Variants in CNTNAP2 observed in about 807,000 individuals in gnomAD.
The protein encoded by CNTNAP2 is contactin-associated protein-like 2.
In CNTNAP2, 98 loss-of-function variants were observed where a neutral mutation model predicts 155.2. That is an observed-to-expected ratio of 0.63 (90% CI 0.54 to 0.75). The LOEUF (loss-of-function observed/expected upper bound fraction) is 0.75. Among genes scored for constraint, CNTNAP2 ranks in the 30% least tolerant of loss-of-function variants. The pLI, the probability that CNTNAP2 is intolerant of heterozygous loss-of-function variation, is 0.00. For missense variants in CNTNAP2, 1,727 were observed against 1,688.1 expected (o/e 1.02, Z -0.40); for synonymous variants, 651 against 631.2 (o/e 1.03, Z -0.47).
chr7:146,160,676 C>T (rs1289847443), intron 1 of CNTNAP2, among the ~76,000 whole-genome samples: 1 of 152,092 alleles, frequency 6.6e-6, no homozygotes, highest in East Asian at 1.9e-4. Flanking sequence ...CCTGAATAGA[C>T]CAATAACAGG....
intron 1 of CNTNAP2, among the ~76,000 whole-genome samples, chr7:146,334,232 C>T (rs1280695859): frequency 2.0e-5 from 3 of 152,068 alleles, no homozygotes; most frequent in African/African-American, 4.8e-5. Flanking sequence ...GAGATCGAGA[C>T]CATCCTGGCT....
At chr7:148,097,411 T>C (rs1167919912) in intron 15 of CNTNAP2, among the ~76,000 whole-genome samples, 1 of 144,440 alleles carries the variant, frequency 6.9e-6, no homozygotes, top group African/African-American at 2.6e-5. Context: ...TTTGACAAGA[T>C]AAATCAGGGA....
chr7:147,283,816 A>G (rs1243970773), intron 8 of CNTNAP2, among the ~76,000 whole-genome samples: 1 of 151,862 alleles, frequency 6.6e-6, no homozygotes, highest in Admixed American at 6.6e-5. Context: ...AGAAGTGGCT[A>G]TGAATTCCCT....
rs746922194 is a variant in CNTNAP2, at chr7:146,774,306, C to A, written c.133C>A (p.His45Asn). The change falls in exon 2 of 24, where the codon CAT (histidine) becomes AAT (asparagine). Residue 45 changes from histidine to asparagine, a missense_variant. Transcript: ENST00000361727. ...TGAGCCACTTGTCTCTGGACTCCCCCATGTGGCTTTCAGCAGCTCCTCCTC... is the reference window on the plus strand; with the variant it reads ...TGAGCCACTTGTCTCTGGACTCCCCAATGTGGCTTTCAGCAGCTCCTCCTC... ...CDEPLVSGLP[H>N]VAFSSSSSIS... The A allele has an allele frequency of 9.9e-6, 16 of 1,613,982 alleles. No individual in the cohort carries two copies. In the South Asian group the frequency reaches 1.1e-4, roughly 11 times the overall value.
chr7:147,615,385 G>T (rs1045925004), intron 12 of CNTNAP2, among the ~76,000 whole-genome samples: 24 of 149,914 alleles, frequency 1.6e-4, no homozygotes, highest in African/African-American at 4.9e-4. Context: ...GGTGGCTGAG[G>T]CAGGAGGAGT....
intron 3 of CNTNAP2, among the ~76,000 whole-genome samples, chr7:147,039,305 A>G (rs375928596): frequency 2.0e-5 from 3 of 152,060 alleles, no homozygotes; most frequent in South Asian, 2.1e-4. Flanking sequence ...AGATTATTTC[A>G]TCACCCAGGT....
At chr7:146,685,849 T>C (rs1300650418) in intron 1 of CNTNAP2, among the ~76,000 whole-genome samples, 3 of 152,204 alleles carry the variant, frequency 2.0e-5, no homozygotes, top group African/African-American at 7.2e-5. Context: ...AATTGATGTA[T>C]GTGAAAATGA....
intron 1 of CNTNAP2, among the ~76,000 whole-genome samples, chr7:146,329,274 C>T (rs1801143490): frequency 6.6e-6 from 1 of 152,170 alleles, no homozygotes; most frequent in Non-Finnish European, 1.5e-5. Flanking sequence ...GCCAAAATTA[C>T]AACCAGACCA....
chr7:146,830,500 T>C (rs945269852), intron 2 of CNTNAP2, among the ~76,000 whole-genome samples: 37 of 152,284 alleles, frequency 2.4e-4, no homozygotes, highest in African/African-American at 8.9e-4. Flanking sequence ...TAAAAATGCA[T>C]GAAAAACATA....
intron 21 of CNTNAP2, among the ~76,000 whole-genome samples, chr7:148,276,786 A>G (rs1039277430): frequency 1.3e-5 from 2 of 152,276 alleles, no homozygotes; most frequent in Non-Finnish European, 2.9e-5. Context: ...AAAATGCATA[A>G]CAGGAAGTGA....
intron 1 of CNTNAP2, among the ~76,000 whole-genome samples, chr7:146,530,087 G>A (rs1343685743): frequency 1.3e-5 from 2 of 152,140 alleles, no homozygotes; most frequent in Non-Finnish European, 2.9e-5. Flanking sequence ...ATATGGCAAA[G>A]TGACAGATAA....
At chr7:146,576,952 A>T (rs998832318) in intron 1 of CNTNAP2, among the ~76,000 whole-genome samples, 4 of 152,200 alleles carry the variant, frequency 2.6e-5, no homozygotes, top group African/African-American at 9.6e-5. Flanking sequence ...CACATGATAC[A>T]TCATTACAAT....
intron 15 of CNTNAP2, among the ~76,000 whole-genome samples, chr7:148,029,686 A>G (rs1214883466): frequency 6.6e-6 from 1 of 152,196 alleles, no homozygotes; most frequent in Non-Finnish European, 1.5e-5. Flanking sequence ...CGAATATAAT[A>G]CCTTGACTCG....
Position 147,136,990 on chromosome 7 carries a change from T to A in CNTNAP2, c.1348+4481T>A, listed in dbSNP as rs1304181203. ...ATAATTGGAGACTTATTTAACAAGATATGTTCTCTAATTCAAGTTTAAACC... is the reference window on the plus strand; with the variant it reads ...ATAATTGGAGACTTATTTAACAAGAAATGTTCTCTAATTCAAGTTTAAACC... On this transcript the variant is annotated intron_variant, in intron 8 of 23. Coordinates refer to ENST00000361727, the MANE Select transcript of CNTNAP2 (RefSeq NM_014141.6). 2.6e-5 allele frequency among the ~76,000 whole-genome samples: 4 copies of A among 152,046 alleles called. No individual in the cohort carries two copies. The East Asian group carries it at 7.7e-4, about 29-fold the overall frequency.
chr7:148,237,135 G>T (rs1250451798), intron 20 of CNTNAP2, among the ~76,000 whole-genome samples: 1 of 152,164 alleles, frequency 6.6e-6, no homozygotes, highest in Non-Finnish European at 1.5e-5. Flanking sequence ...ACATGTGTTA[G>T]GTTTCTGTTA....
chr7:147,817,952 CT>C, intron 13 of CNTNAP2, among the ~76,000 whole-genome samples: 1 of 150,876 alleles, frequency 6.6e-6, no homozygotes, highest in Admixed American at 6.6e-5. Flanking sequence ...GCAGATGTGG[CT>C]TATTTTTGCT....
chr7:146,650,246 A>G (rs533362966), intron 1 of CNTNAP2, among the ~76,000 whole-genome samples: 3 of 152,264 alleles, frequency 2.0e-5, no homozygotes, highest in East Asian at 3.9e-4. Flanking sequence ...ACATGTACAC[A>G]TATGTTTATT....
chr7:146,275,502 G>T (rs145567447), intron 1 of CNTNAP2, among the ~76,000 whole-genome samples: 1 of 152,252 alleles, frequency 6.6e-6, no homozygotes, highest in East Asian at 1.9e-4. Context: ...TATTGTATAA[G>T]AAGTTTGCTT....
At chr7:146,664,062 A>G (rs1800142757) in intron 1 of CNTNAP2, among the ~76,000 whole-genome samples, 1 of 149,680 alleles carries the variant, frequency 6.7e-6, no homozygotes, top group African/African-American at 2.5e-5. Context: ...TAGGGTTTTT[A>G]TTATAAGTGA....
Sources: gnomAD v4.1 joint callset for allele counts (sites outside exome capture counted in the v4.1 genomes callset) on GRCh38, gnomAD v4.1.1 for gene constraint, MANE v1.5 for transcripts, NCBI Gene and HGNC (gene_info 2026-07-23, HGNC 2026-07-21) for gene names.